ASTN2: variants seen among roughly 807,000 people sequenced by gnomAD.
ASTN2 encodes astrotactin 2.
Under a neutral mutation model 139.8 loss-of-function variants are expected in ASTN2, and 54 were observed. The observed-to-expected ratio is 0.39, with a 90% CI of 0.31 to 0.48. The LOEUF is 0.48. Ranked by LOEUF, ASTN2 falls within the 20% of genes least tolerant of loss-of-function variation. The probability of loss-of-function intolerance (pLI) is 0.95; values close to 1 mark genes in which losing one functional copy is unlikely to be tolerated. For synonymous variants in ASTN2, 756 were observed against 719.5 expected (o/e 1.05, Z -0.81); for missense variants, 1,565 against 1,725.1 (o/e 0.91, Z 1.64).
chr9:116,725,658 G>C, intron 16 of ASTN2, 113 bp downstream of exon 16: 1 of 1,104,882 alleles, frequency 9.1e-7, no homozygotes, highest in Non-Finnish European at 1.3e-6. Flanking sequence ...TGGTCACACA[G>C]CTTAGACGTG....
At chr9:116,956,343 C>G (rs1378723801) in intron 10 of ASTN2, among the ~76,000 whole-genome samples, 2 of 149,754 alleles carry the variant, frequency 1.3e-5, no homozygotes, top group Admixed American at 1.3e-4. Flanking sequence ...AGGTGATCCA[C>G]CTGCCTCGGC....
At position 116,699,888 on chromosome 9, in the gene ASTN2, C is replaced by A; in HGVS notation, c.2806+25883G>T. On this transcript the variant is annotated intron_variant, in intron 16 of 22. Transcript: ENST00000313400. The surrounding 1 kb of genome is among the most constrained non-coding windows in gnomAD (Gnocchi z 4.2). Reference sequence around the variant, plus strand: ...GTTATGTCCCCCTCCCCGCTTCCCACCTAAATTTAGAGCTTTAAAAGATGC... The same window carrying A: ...GTTATGTCCCCCTCCCCGCTTCCCAACTAAATTTAGAGCTTTAAAAGATGC... 1.2e-6 allele frequency: 1 copy of A among 805,334 alleles called. No individual in the cohort carries two copies. The highest frequency in any genetic ancestry group is 2.0e-6 in the Non-Finnish European group (1 of 507,686). 49.9% of individuals were successfully genotyped at this position (805,334 alleles called of 1,614,324 possible). A position where few individuals can be genotyped will look rare whatever the true frequency, so the allele number is the denominator to read the frequency against.
intron 5 of ASTN2, among the ~76,000 whole-genome samples, chr9:117,079,548 T>C (rs1828370410): frequency 6.6e-6 from 1 of 152,196 alleles, no homozygotes; most frequent in African/African-American, 2.4e-5. Flanking sequence ...CACAACATCA[T>C]GCTTCATGGA....
At chr9:117,211,682 T>A (rs757776106) in intron 3 of ASTN2, among the ~76,000 whole-genome samples, 2 of 152,118 alleles carry the variant, frequency 1.3e-5, no homozygotes, top group Non-Finnish European at 2.9e-5. Flanking sequence ...GACTAATAAC[T>A]AACTGATAAA....
chr9:116,950,204 G>A (rs542997622), intron 10 of ASTN2, among the ~76,000 whole-genome samples: 32 of 152,244 alleles, frequency 2.1e-4, no homozygotes, highest in African/African-American at 6.3e-4. Context: ...AGCATCCATA[G>A]CCTCTACCAA....
intron 20 of ASTN2, among the ~76,000 whole-genome samples, chr9:116,481,211 C>T (rs910751031): frequency 1.3e-5 from 2 of 152,096 alleles, no homozygotes; most frequent in Non-Finnish European, 2.9e-5. Context: ...AAAATCCCGT[C>T]TCTACAAAAG....
chr9:117,075,976 A>C (rs1415067850), intron 5 of ASTN2, among the ~76,000 whole-genome samples: 1 of 151,940 alleles, frequency 6.6e-6, no homozygotes, highest in East Asian at 1.9e-4. Context: ...CCACCATTTA[A>C]CTCCAGGGTC....
chr9:117,005,061 A>G (rs1411139307), intron 7 of ASTN2, among the ~76,000 whole-genome samples: 1 of 135,754 alleles, frequency 7.4e-6, no homozygotes, highest in African/African-American at 2.7e-5. Flanking sequence ...TTTGAATTTG[A>G]GTTGTGGACC....
intron 5 of ASTN2, among the ~76,000 whole-genome samples, chr9:117,071,549 C>T (rs1448271628): frequency 6.0e-5 from 9 of 150,814 alleles, no homozygotes; most frequent in Admixed American, 5.9e-4. Context: ...CCAGTTCGAG[C>T]TTCCCAGCTG....
chr9:116,556,746 T>C (rs62574414), intron 19 of ASTN2, among the ~76,000 whole-genome samples: 24,114 of 152,078 alleles, frequency 0.16, 2,077 homozygotes, highest in African/African-American at 0.21. Context: ...TAAGCAAATA[T>C]AAATCTATGA....
intron 5 of ASTN2, among the ~76,000 whole-genome samples, chr9:117,057,761 TC>T (rs1292205846): frequency 6.6e-6 from 1 of 152,188 alleles, no homozygotes; most frequent in Non-Finnish European, 1.5e-5. Context: ...AGTCAGCAGC[TC>T]GAGGCAAGAA....
intron 10 of ASTN2, among the ~76,000 whole-genome samples, chr9:116,905,999 ACAGCCTTGGAGAAGCAG>A (rs1834148474): frequency 6.6e-6 from 1 of 151,916 alleles, no homozygotes; most frequent in Non-Finnish European, 1.5e-5. Flanking sequence ...TGTGCCCTTC[ACAGCCTTGGAGAAGCAG>A]CAGGTTCCTG....
At chr9:116,465,870 T>C (rs1407056449) in intron 20 of ASTN2, among the ~76,000 whole-genome samples, 2 of 152,130 alleles carry the variant, frequency 1.3e-5, no homozygotes, top group Non-Finnish European at 2.9e-5. Context: ...TAATTTCCTT[T>C]AGGAGAAAAT....
chr9:117,163,210 T>G lies in ASTN2; in HGVS notation c.1016-21732A>C, dbSNP rs555614846. Among the ~76,000 whole-genome samples the G allele has an allele frequency of 1.1e-3, 160 of 151,918 alleles. 1 individual carries two copies. Among genetic ancestry groups the G allele is most frequent in the Non-Finnish European group, 2.0e-3 (134 of 67,938 alleles). On this transcript the variant is annotated intron_variant, in intron 3 of 22. Transcript: ENST00000313400. ...GCTCCCAAGACAGCTACAACTCCAG[T>G]TAGGGGAGCAGAAGGGAGGCCCACC...
At chr9:116,748,221 C>T (rs1829299592) in intron 13 of ASTN2, among the ~76,000 whole-genome samples, 1 of 152,160 alleles carries the variant, frequency 6.6e-6, no homozygotes, top group Non-Finnish European at 1.5e-5. Flanking sequence ...AAGATTAGCC[C>T]TGCCCCAGAA....
chr9:116,684,679 C>A (rs1227690970), intron 16 of ASTN2, among the ~76,000 whole-genome samples: 5 of 152,188 alleles, frequency 3.3e-5, no homozygotes, highest in African/African-American at 1.2e-4. Context: ...CCACTCTTCT[C>A]ACCTTGGGGT....
intron 19 of ASTN2, among the ~76,000 whole-genome samples, chr9:116,577,518 T>C (rs1265931458): frequency 6.7e-6 from 1 of 149,850 alleles, no homozygotes; most frequent in African/African-American, 2.5e-5. Flanking sequence ...GGCAACAGAA[T>C]GAAACTGTGT....
intron 2 of ASTN2, among the ~76,000 whole-genome samples, chr9:117,268,348 C>G (rs1042087352): frequency 3.9e-5 from 6 of 152,170 alleles, no homozygotes; most frequent in Non-Finnish European, 8.8e-5. Context: ...ACCCCAGGGA[C>G]TTACCAGCAT....
intron 4 of ASTN2, among the ~76,000 whole-genome samples, chr9:117,103,156 T>C (rs1374935777): frequency 6.6e-6 from 1 of 152,176 alleles, no homozygotes; most frequent in Admixed American, 6.5e-5. Flanking sequence ...AATCATTTAC[T>C]CAGGGCCCAT....
Sources: gnomAD v4.1 joint callset for allele counts (sites outside exome capture counted in the v4.1 genomes callset) on GRCh38, gnomAD v4.1.1 for gene constraint, Gnocchi (gnomAD v3.1) non-coding constraint, MANE v1.5 for transcripts, NCBI Gene and HGNC (gene_info 2026-07-23, HGNC 2026-07-21) for gene names.